PKN2: variants seen among roughly 807,000 people sequenced by gnomAD.
PKN2 encodes the protein protein kinase N2.
In PKN2, 38 loss-of-function variants were observed where a neutral mutation model predicts 119.1. That is an observed-to-expected ratio of 0.32 (90% CI 0.25 to 0.42). The LOEUF (loss-of-function observed/expected upper bound fraction) is 0.42, where lower values mean the gene tolerates loss of function less well. PKN2 is among the 10% of genes least tolerant of loss of function. PKN2 has a pLI of 1.00. For missense variants in PKN2, 850 were observed against 1,165.1 expected (o/e 0.73, Z 3.94); for synonymous variants, 390 against 384.9 (o/e 1.01, Z -0.15).
intron 2 of PKN2, among the ~76,000 whole-genome samples, chr1:88,744,734 T>A (rs573101525): frequency 1.2e-4 from 19 of 152,326 alleles, no homozygotes; most frequent in South Asian, 4.1e-4. Flanking sequence ...GACTTGTTCT[T>A]AATTCACCTC....
At chr1:88,750,946 A>C (rs1668963235) in intron 2 of PKN2, among the ~76,000 whole-genome samples, 1 of 152,096 alleles carries the variant, frequency 6.6e-6, no homozygotes. Flanking sequence ...TGCTGCCAGC[A>C]TTTTTTTAAA....
chr1:88,819,684 A>G (rs758441461), intron 16 of PKN2, among the ~76,000 whole-genome samples: 1 of 152,128 alleles, frequency 6.6e-6, no homozygotes, highest in Non-Finnish European at 1.5e-5. Context: ...AAAGGATTAT[A>G]AATTCTGTAA....
chr1:88,823,703 TAAAAAAAAAAA>T (rs61234342), intron 17 of PKN2, among the ~76,000 whole-genome samples: 3 of 65,746 alleles, frequency 4.6e-5, no homozygotes, highest in Non-Finnish European at 9.1e-5. Flanking sequence ...GACTCTGTCT[TAAAAAAAAAAA>T]AAAAAAAAAA....
intron 6 of PKN2, among the ~76,000 whole-genome samples, chr1:88,776,458 A>G (rs1670109219): frequency 6.6e-6 from 1 of 151,336 alleles, no homozygotes; most frequent in African/African-American, 2.4e-5. Flanking sequence ...AAAAATGTCC[A>G]ACTAGGCACA....
Position 88,805,477 on chromosome 1 carries a change from G to GT in PKN2, c.1502-13dup, listed in dbSNP as rs1671499864. The GT allele has an allele frequency of 6.5e-7, 1 of 1,549,420 alleles. No individual in the cohort carries two copies. Among genetic ancestry groups the GT allele is most frequent in the Non-Finnish European group, 8.7e-7 (1 of 1,146,744 alleles). On this transcript the variant is annotated intron_variant, in intron 10 of 21. Coordinates refer to ENST00000370521, the MANE Select transcript of PKN2 (RefSeq NM_006256.4). ...CATAAAGAAATTACTTGCTGTTTTTGTTTTTTTCAACATCTACAGGCAAAA... is the reference window on the plus strand; with the variant it reads ...CATAAAGAAATTACTTGCTGTTTTTGTTTTTTTTCAACATCTACAGGCAAAA...
In PKN2 at chr1:88,792,296, G is replaced by A. The variant is rs184377967; in HGVS notation, c.1281+6083G>A. On this transcript the variant is annotated intron_variant, in intron 8 of 21. Coordinates refer to ENST00000370521, the MANE Select transcript of PKN2 (RefSeq NM_006256.4). The stretch of plus-strand genomic sequence containing the variant: ...GCGCATGCCTGTAACCCAGCTACTC[G>A]GGAGGCTGAGGCAATAGAATCGCTT... Among the ~76,000 whole-genome samples, 757 of 152,226 alleles carry A rather than the reference G, an allele frequency of 5.0e-3. 30 individuals are homozygous for A. Among genetic ancestry groups the A allele is most frequent in the Admixed American group, 0.044 (678 of 15,278 alleles).
chr1:88,827,750 G>A (rs1672567652), intron 18 of PKN2, among the ~76,000 whole-genome samples: 1 of 148,534 alleles, frequency 6.7e-6, no homozygotes, highest in South Asian at 2.1e-4. Context: ...ACAGAGTTTT[G>A]CTCTTGTCAC....
chr1:88,739,865 G>T (rs1668506826), intron 1 of PKN2, among the ~76,000 whole-genome samples: 1 of 152,072 alleles, frequency 6.6e-6, no homozygotes, highest in South Asian at 2.1e-4. Context: ...ACAATTTAGA[G>T]GTGTTCTCAA....
At chr1:88,748,366 T>G (rs1449670991) in intron 2 of PKN2, among the ~76,000 whole-genome samples, 4 of 151,072 alleles carry the variant, frequency 2.6e-5, no homozygotes, top group Admixed American at 2.6e-4. Flanking sequence ...TTTTGAGAAT[T>G]TTTTCCCTCC....
chr1:88,824,262 ATTTCT>A (rs1672410359), intron 17 of PKN2, 43 bp from the exon 18 acceptor site: 1 of 963,378 alleles, frequency 1.0e-6, no homozygotes, highest in Non-Finnish European at 1.6e-6. Flanking sequence ...TAACCTACTG[ATTTCT>A]TTGATTTTTT....
At chr1:88,810,062 T>C (rs1671718052) in intron 15 of PKN2, among the ~76,000 whole-genome samples, 1 of 152,038 alleles carries the variant, frequency 6.6e-6, no homozygotes, top group South Asian at 2.1e-4. Context: ...AGGAGTACTT[T>C]TAAATTTCTA....
intron 6 of PKN2, chr1:88,781,045 A>T (rs938524540): frequency 9.7e-6 from 10 of 1,027,148 alleles, no homozygotes; most frequent in South Asian, 5.9e-5. Flanking sequence ...AGACATTTTT[A>T]AAAAATTCTT....
At position 88,762,717 on chromosome 1, in the gene PKN2, TTGAC is replaced by T. The variant is rs1290840624; in HGVS notation, c.504+2347_504+2350del. Among the ~76,000 whole-genome samples, 4 of 152,202 alleles carry T rather than the reference TTGAC, an allele frequency of 2.6e-5. No individual in the cohort carries two copies. In the East Asian group the frequency reaches 5.8e-4, roughly 22 times the overall value. ...GTTAAAGTGTGTAATAGTGATTTGT[TTGAC>T]TGACTTTGGAAGCACAATGGAGAAT... On this transcript the variant is annotated intron_variant, in intron 3 of 21. Coordinates refer to ENST00000370521, the MANE Select transcript of PKN2 (RefSeq NM_006256.4).
At chr1:88,825,475 C>T (rs1324141066) in intron 18 of PKN2, among the ~76,000 whole-genome samples, 1 of 152,188 alleles carries the variant, frequency 6.6e-6, no homozygotes, top group Non-Finnish European at 1.5e-5. Context: ...CGCCGGTAGT[C>T]TGGGTGTTGG....
intron 1 of PKN2, among the ~76,000 whole-genome samples, chr1:88,740,041 C>T (rs1313686405): frequency 6.6e-6 from 1 of 151,926 alleles, no homozygotes; most frequent in Non-Finnish European, 1.5e-5. Context: ...ACAAATAATA[C>T]AGCATAGCAA....
At chr1:88,718,509 A>C (rs1212382415) in intron 1 of PKN2, among the ~76,000 whole-genome samples, 1 of 152,236 alleles carries the variant, frequency 6.6e-6, no homozygotes, top group Non-Finnish European at 1.5e-5. Flanking sequence ...AATGAGAAAA[A>C]TGAATGAGAT....
intron 1 of PKN2, among the ~76,000 whole-genome samples, chr1:88,710,940 C>G (rs906112387): frequency 1.3e-5 from 2 of 152,180 alleles, no homozygotes; most frequent in African/African-American, 4.8e-5. Context: ...AAAGGTGGTA[C>G]ATACACATCA....
chr1:88,793,978 T>C (rs943915760), intron 8 of PKN2, among the ~76,000 whole-genome samples: 3 of 152,192 alleles, frequency 2.0e-5, no homozygotes, highest in African/African-American at 7.2e-5. Flanking sequence ...CCATATAATA[T>C]ACCACTATTT....
At chr1:88,711,902 A>G (rs1667247603) in intron 1 of PKN2, among the ~76,000 whole-genome samples, 1 of 152,100 alleles carries the variant, frequency 6.6e-6, no homozygotes, top group Admixed American at 6.6e-5. Context: ...CATAAATTAT[A>G]CTTAGTATGT....
Sources: allele counts gnomAD v4.1 joint callset (sites outside exome capture counted in the v4.1 genomes callset), GRCh38; gene constraint gnomAD v4.1.1; transcripts MANE v1.5; gene names NCBI Gene and HGNC (gene_info 2026-07-23, HGNC 2026-07-21).